The following RPL17 variants were observed in gnomAD, a reference collection of about 807,000 sequenced individuals.
RPL17 encodes the protein large ribosomal subunit protein uL22.
In RPL17, 2 loss-of-function variants were observed where a neutral mutation model predicts 27.7. The observed-to-expected ratio is 0.07, with a 90% CI of 0.03 to 0.23. The LOEUF (loss-of-function observed/expected upper bound fraction) is 0.23, where lower values mean the gene tolerates loss of function less well. Ranked by LOEUF, RPL17 falls within the 10% of genes least tolerant of loss-of-function variation. The pLI, the probability that RPL17 is intolerant of heterozygous loss-of-function variation, is 1.00. For synonymous variants in RPL17, 76 were observed against 75.5 expected, an observed-to-expected ratio of 1.01 and a Z score of -0.03; for missense variants, 141 against 238.8, an observed-to-expected ratio of 0.59 and a Z score of 2.70.
intron 3 of RPL17, 50 bp from the exon 4 acceptor site, chr18:49,490,977 TTAAAG>T (rs76093551): frequency 0.04 from 64,751 of 1,604,994 alleles, 1,551 homozygotes; most frequent in Middle Eastern, 0.048. Context: ...GCTTTAATTT[TTAAAG>T]TAAACGTTAA....
intron 1 of RPL17, chr18:49,492,240 T>C (rs563624254): frequency 1.5e-4 from 23 of 153,282 alleles, no homozygotes; most frequent in Non-Finnish European, 2.9e-4. Context: ...TTCCCGCCCA[T>C]CACGTCCCTC....
At chr18:49,491,268 C>T in intron 3 of RPL17, 137 bp downstream of exon 3, 1 of 1,334,334 alleles carries the variant, frequency 7.5e-7, no homozygotes, top group Non-Finnish European at 1.1e-6. Context: ...ATCATCAATG[C>T]CTAAATATAA....
intron 6 of RPL17, 23 bp from the exon 7 acceptor site, chr18:49,488,589 A>C: frequency 8.7e-7 from 1 of 1,151,786 alleles, no homozygotes; most frequent in Non-Finnish European, 1.2e-6. Context: ...AAATGTGTTA[A>C]GTTTCTTAGA....
At chr18:49,492,034 A>G (rs1027608009) in intron 1 of RPL17, 1 of 334,198 alleles carries the variant, frequency 3.0e-6, no homozygotes, top group Non-Finnish European at 5.9e-6. Flanking sequence ...CCACTTTAAG[A>G]GCCCTCCTGT....
At chr18:49,491,256 TG>T (rs748077771) in intron 3 of RPL17, 148 bp downstream of exon 3, 17 of 1,254,986 alleles carry the variant, frequency 1.4e-5, no homozygotes, top group Non-Finnish European at 2.0e-5. Flanking sequence ...CCTTACACCC[TG>T]ATCATCAATG....
intron 6 of RPL17, 31 bp downstream of exon 6, chr18:49,489,328 C>G (rs1418274671): frequency 1.9e-6 from 3 of 1,612,182 alleles, no homozygotes; most frequent in Non-Finnish European, 2.5e-6. Context: ...TTTCTACTAT[C>G]ACAAACAAAA....
At chr18:49,490,724 C>T (rs1600499176) in intron 4 of RPL17, 69 bp downstream of exon 4, 1 of 1,608,568 alleles carries the variant, frequency 6.2e-7, no homozygotes, top group East Asian at 2.2e-5. Context: ...AGATCTTAGC[C>T]ATTCTTATCC....
At position 49,489,554 on chromosome 18, in the gene RPL17, G is replaced by A. The variant is rs760858180; in HGVS notation, c.316-4C>T. ...CCAGAGAATCTACATCTAAACCCTG[G>A]GGAAGAAAGGAAGGAGAATGAAACC... On this transcript the variant is annotated splice_region_variant and splice_polypyrimidine_tract_variant and intron_variant, in intron 5 of 6. Coordinates refer to ENST00000580261, the MANE Select transcript of RPL17 (RefSeq NM_001035006.5). The A allele has an allele frequency of 1.9e-6, 3 of 1,599,206 alleles. No homozygotes were observed. The highest frequency in any genetic ancestry group is 2.5e-6 in the Non-Finnish European group (3 of 1,179,426).
At chr18:49,491,253 C>A (rs931390617) in intron 3 of RPL17, 152 bp downstream of exon 3, 1 of 1,239,384 alleles carries the variant, frequency 8.1e-7, no homozygotes, top group Non-Finnish European at 1.2e-6. Context: ...CATCCTTACA[C>A]CCTGATCATC....
intron 5 of RPL17, among the ~76,000 whole-genome samples, 157 bp from the exon 6 acceptor site, chr18:49,489,707 T>C (rs2083915378): frequency 6.6e-6 from 1 of 152,218 alleles, no homozygotes; most frequent in African/African-American, 2.4e-5. Context: ...GCAAATAGCA[T>C]TTTTTTAACC....
At chr18:49,491,362 TGGAACATGA>T (rs759760684) in intron 3 of RPL17, 34 bp downstream of exon 3, 1 of 1,613,776 alleles carries the variant, frequency 6.2e-7, no homozygotes, top group Non-Finnish European at 8.5e-7. Flanking sequence ...CTTTTTTGAG[TGGAACATGA>T]GGAACTGTTG....
At chr18:49,492,004 C>T in intron 1 of RPL17, 1 of 355,234 alleles carries the variant, frequency 2.8e-6, no homozygotes, top group Non-Finnish European at 5.5e-6. Context: ...CCGTCTCTCT[C>T]AACACCTTCG....
rs1039276281 is a variant in RPL17 at position 49,490,382 on chromosome 18, G to A, written c.315+72C>T. On this transcript the variant is annotated intron_variant, in intron 5 of 6. Coordinates refer to ENST00000580261, the MANE Select transcript of RPL17 (RefSeq NM_001035006.5). ...AATTACTGAAAACAAGAAAATCAAG[G>A]ACATAAATCTGAACAGCCAACATTA... 5 of 1,479,636 alleles carry A rather than the reference G, an allele frequency of 3.4e-6. No homozygotes were observed. In the African/African-American group the frequency reaches 4.2e-5, roughly 12 times the overall value. 91.7% of individuals were successfully genotyped at this position (1,479,636 alleles called of 1,614,324 possible). A position where few individuals can be genotyped will look rare whatever the true frequency, so the allele number is the denominator to read the frequency against.
intron 3 of RPL17, 172 bp from the exon 4 acceptor site, chr18:49,491,099 G>A (rs2084038775): frequency 9.1e-7 from 1 of 1,098,810 alleles, no homozygotes; most frequent in Non-Finnish European, 1.3e-6. Context: ...GTTGAAGCTA[G>A]AGAAAACTCC....
chr18:49,490,448 G>A lies in RPL17; in HGVS notation c.315+6C>T. 1.2e-6 allele frequency: 2 copies of A among 1,613,854 alleles called. No individual in the cohort carries two copies. The highest frequency in any genetic ancestry group is 2.2e-5 in the East Asian group (1 of 44,884). Reference sequence around the variant, plus strand: ...AAGTTGCACAGGATGTTAGTGGTTTGGGTACCTTAAGTTCAGCATTACTCT... The same window carrying A: ...AAGTTGCACAGGATGTTAGTGGTTTAGGTACCTTAAGTTCAGCATTACTCT... On this transcript the variant is annotated splice_donor_region_variant and intron_variant, in intron 5 of 6. Transcript: ENST00000580261.
rs1324619536 is a variant in RPL17, at chr18:49,491,601, T to G, written c.-13-17A>C. 2 of 1,613,922 alleles carry G rather than the reference T, an allele frequency of 1.2e-6. No homozygotes were observed. Among genetic ancestry groups the G allele is most frequent in the Non-Finnish European group, 8.5e-7 (1 of 1,179,934 alleles). On this transcript the variant is annotated splice_polypyrimidine_tract_variant and intron_variant, in intron 1 of 6. Transcript: ENST00000580261. ...ACAGATCACCTAGAGGAAAGTACAGTGTAATTCTGTCAATACGTACTTACA... is the reference window on the plus strand; with the variant it reads ...ACAGATCACCTAGAGGAAAGTACAGGGTAATTCTGTCAATACGTACTTACA...
At chr18:49,490,078 C>T (rs2083943304) in intron 5 of RPL17, among the ~76,000 whole-genome samples, 1 of 152,106 alleles carries the variant, frequency 6.6e-6, no homozygotes, top group Admixed American at 6.6e-5. Flanking sequence ...TGAAGGTAGG[C>T]CACAAACCAC....
chr18:49,490,359 T>C (rs1052816015), intron 5 of RPL17, 95 bp downstream of exon 5: 20 of 1,318,510 alleles, frequency 1.5e-5, no homozygotes, highest in Non-Finnish European at 2.1e-5. Flanking sequence ...TAAGAGTTAA[T>C]TACTGAAAAC....
At chr18:49,491,631 C>T in intron 1 of RPL17, 47 bp from the exon 2 acceptor site, 1 of 1,597,144 alleles carries the variant, frequency 6.3e-7, no homozygotes, top group South Asian at 1.1e-5. Context: ...CTTACAGTAA[C>T]TCATTCAGTA....
Sources: allele counts gnomAD v4.1 joint callset (sites outside exome capture counted in the v4.1 genomes callset), GRCh38; gene constraint gnomAD v4.1.1; transcripts MANE v1.5; gene names NCBI Gene and HGNC (gene_info 2026-07-23, HGNC 2026-07-21).